Variants in PCDHGA12 observed in about 807,000 individuals in gnomAD.
The protein encoded by PCDHGA12 is protocadherin gamma subfamily A, 12.
A neutral mutation model predicts 61.1 loss-of-function variants in PCDHGA12; 43 were observed. The ratio of observed to expected loss-of-function variants is 0.70; its 90% CI spans 0.55 to 0.91. The LOEUF (loss-of-function observed/expected upper bound fraction) is 0.91, where lower values mean the gene tolerates loss of function less well. PCDHGA12 is among the 40% of genes least tolerant of loss of function. PCDHGA12 has a pLI of 0.00. For missense variants in PCDHGA12, 1,236 were observed against 1,227.7 expected (o/e 1.01, Z -0.10); for synonymous variants, 520 against 542.9 (o/e 0.96, Z 0.59).
Position 141,431,883 on chromosome 5 carries a change from A to T in PCDHGA12, c.1124A>T (p.Asp375Val), listed in dbSNP as rs748968989. 6.8e-6 allele frequency: 11 copies of T among 1,614,118 alleles called. No individual in the cohort carries two copies. The highest frequency in any genetic ancestry group is 1.1e-5 in the South Asian group (1 of 91,084). The change falls in exon 1 of 4, where the codon GAT (aspartate) becomes GTT (valine). Residue 375 changes from aspartate (D) to valine (V), a missense_variant. Transcript: ENST00000252085. The surrounding 1 kb of genome is among the most constrained non-coding windows in gnomAD (Gnocchi z 4.8). ...LIALLNVNDQ[D>V]SEENGQVICF... ...GCCCTTTTAAATGTAAATGACCAAG[A>T]TTCTGAGGAAAACGGACAGGTGATC...
At chr5:141,460,438 T>A (rs1035541143) in intron 1 of PCDHGA12, among the ~76,000 whole-genome samples, 16 of 152,172 alleles carry the variant, frequency 1.1e-4, no homozygotes, top group African/African-American at 3.1e-4. Flanking sequence ...TGGTGTGAGG[T>A]AACAATGAAG....
Position 141,485,046 on chromosome 5 carries a change from G to A in PCDHGA12, c.2425-9761G>A. On this transcript the variant is annotated intron_variant, in intron 1 of 3. Transcript: ENST00000252085. This position sits in a 1 kb window ranked among gnomAD's most constrained non-coding sequence, Gnocchi z 5.7. ...AAAAACGGCGCGTAACCCTTGCGGCGCCGGCCGAACCGCGCCAGAGCTGGC... is the reference window on the plus strand; with the variant it reads ...AAAAACGGCGCGTAACCCTTGCGGCACCGGCCGAACCGCGCCAGAGCTGGC... 2 of 750,304 alleles carry A rather than the reference G, an allele frequency of 2.7e-6. No individual in the cohort carries two copies. The highest frequency in any genetic ancestry group is 4.5e-6 in the Non-Finnish European group (2 of 443,046). The allele number at this position is 750,304 out of a possible 1,614,324, so 46.5% of individuals were successfully genotyped here. A position where few individuals can be genotyped will look rare whatever the true frequency, so the allele number is the denominator to read the frequency against.
chr5:141,489,314 G>T lies in PCDHGA12; in HGVS notation c.2425-5493G>T. ...TGCATGTTGTCCTTGTGCTGCTGGG[G>T]CTGGGTGTCTGGGCAGCTTCGTTAC... On this transcript the variant is annotated intron_variant, in intron 1 of 3. Transcript: ENST00000252085. This position sits in a 1 kb window ranked among gnomAD's most constrained non-coding sequence, Gnocchi z 4.5. 6.3e-7 allele frequency: 1 copy of T among 1,596,908 alleles called. No individual in the cohort carries two copies. The highest frequency in any genetic ancestry group is 8.5e-7 in the Non-Finnish European group (1 of 1,170,694).
rs138070043 is a variant in PCDHGA12, at chr5:141,512,950, AAAT to A, written c.*1783_*1785del. 5,271 of 152,332 alleles carry A rather than the reference AAAT, an allele frequency of 0.035. 119 individuals carry two copies. The highest frequency in any genetic ancestry group is 0.075 in the South Asian group (360 of 4,826). The allele number at this position is 152,332 out of a possible 1,614,324, so 9.4% of individuals were successfully genotyped here. On this transcript the variant is annotated 3_prime_UTR_variant, in exon 4 of 4. Coordinates refer to ENST00000252085, the MANE Select transcript of PCDHGA12 (RefSeq NM_003735.3). ...ATATGGCTTTTTTTCTTCGACAAAA[AAAT>A]AATAAAACGTTTCTTCTGAAAAGCT...
At position 141,486,114 on chromosome 5, in the gene PCDHGA12, A is replaced by G; in HGVS notation, c.2425-8693A>G. On this transcript the variant is annotated intron_variant, in intron 1 of 3. Coordinates refer to ENST00000252085, the MANE Select transcript of PCDHGA12 (RefSeq NM_003735.3). This position sits in a 1 kb window ranked among gnomAD's most constrained non-coding sequence, Gnocchi z 5.0. ...GGGCCCCTAGACTTTGAGAGTGAGAATTACTATGAATTTGATGTGCGGGCT... is the reference window on the plus strand; with the variant it reads ...GGGCCCCTAGACTTTGAGAGTGAGAGTTACTATGAATTTGATGTGCGGGCT... 3 of 1,614,082 alleles carry G rather than the reference A, an allele frequency of 1.9e-6. No individual in the cohort carries two copies. Among genetic ancestry groups the G allele is most frequent in the South Asian group, 2.2e-5 (2 of 91,072 alleles).
intron 1 of PCDHGA12, among the ~76,000 whole-genome samples, chr5:141,473,404 T>A (rs953797915): frequency 6.6e-6 from 1 of 152,226 alleles, no homozygotes; most frequent in Non-Finnish European, 1.5e-5. Flanking sequence ...TCTTTTTTTC[T>A]TCTTCAGTGG....
chr5:141,430,857 A>G lies in PCDHGA12; in HGVS notation c.98A>G (p.Tyr33Cys). Reference protein sequence around the residue: ...LWETGCTQIRYSVPEELEKGS... With the variant: ...LWETGCTQIRCSVPEELEKGS... ...GAGACCGGATGCACCCAGATACGCT[A>G]TTCAGTTCCGGAAGAGCTGGAGAAA... The change falls in exon 1 of 4, where the codon TAT becomes TGT. Residue 33 changes from tyrosine (Y) to cysteine (C), a missense_variant. Physicochemically the swap from Tyr to Cys is radical, Grantham distance 194. Transcript: ENST00000252085. 2 of 1,591,432 alleles carry G rather than the reference A, an allele frequency of 1.3e-6. No homozygotes were observed. The highest frequency in any genetic ancestry group is 1.7e-6 in the Non-Finnish European group (2 of 1,170,356).
rs1377364370 is a variant in PCDHGA12, at chr5:141,477,489, C to T, written c.2425-17318C>T. 1 of 1,614,048 alleles carries T rather than the reference C, an allele frequency of 6.2e-7. No homozygotes were observed. Among genetic ancestry groups the T allele is most frequent in the Non-Finnish European group, 8.5e-7 (1 of 1,180,044 alleles). On this transcript the variant is annotated intron_variant, in intron 1 of 3. Coordinates refer to ENST00000252085, the MANE Select transcript of PCDHGA12 (RefSeq NM_003735.3). This position sits in a 1 kb window ranked among gnomAD's most constrained non-coding sequence, Gnocchi z 4.9. ...ATCAATGACAACCCTCCACAATCTT[C>T]TCAATCTTCCTACGACGTTTACATT...
chr5:141,462,617 T>C (rs1413543706), intron 1 of PCDHGA12, among the ~76,000 whole-genome samples: 1 of 151,850 alleles, frequency 6.6e-6, no homozygotes, highest in East Asian at 1.9e-4. Context: ...TTTTCACTTT[T>C]AGAAGTTCCA....
At chr5:141,480,653 T>C (rs1214823403) in intron 1 of PCDHGA12, among the ~76,000 whole-genome samples, 2 of 152,190 alleles carry the variant, frequency 1.3e-5, no homozygotes, top group Admixed American at 1.3e-4. Context: ...TGGTTGCACA[T>C]TAAAATCACC....
rs142703691 is a variant in PCDHGA12 at position 141,489,691 on chromosome 5, C to T, written c.2425-5116C>T. On this transcript the variant is annotated intron_variant, in intron 1 of 3. Transcript: ENST00000252085. The surrounding 1 kb of genome is among the most constrained non-coding windows in gnomAD (Gnocchi z 4.5). ...CTCAGAATCAGCAGCATCTGGGGCACGATTCCCACTGGACAGTGCCCAGGA... is the reference window on the plus strand; with the variant it reads ...CTCAGAATCAGCAGCATCTGGGGCATGATTCCCACTGGACAGTGCCCAGGA... 8.1e-6 allele frequency: 13 copies of T among 1,614,164 alleles called. No individual in the cohort carries two copies. The highest frequency in any genetic ancestry group is 3.3e-5 in the South Asian group (3 of 91,080).
At chr5:141,445,490 C>A (rs1181158971) in intron 1 of PCDHGA12, among the ~76,000 whole-genome samples, 1 of 152,134 alleles carries the variant, frequency 6.6e-6, no homozygotes, top group African/African-American at 2.4e-5. Flanking sequence ...AGTTAATGGG[C>A]CCTATTCTAA....
intron 1 of PCDHGA12, among the ~76,000 whole-genome samples, chr5:141,471,999 T>C (rs577046645): frequency 3.9e-5 from 6 of 152,230 alleles, no homozygotes; most frequent in Admixed American, 2.0e-4. Flanking sequence ...AATCCCTGCA[T>C]CGTATAGGGG....
chr5:141,472,564 A>G (rs1471933375), intron 1 of PCDHGA12, among the ~76,000 whole-genome samples: 6 of 152,050 alleles, frequency 3.9e-5, no homozygotes, highest in Admixed American at 2.6e-4. Context: ...TATATTATAA[A>G]TGCTGCATCT....
rs780685517 is a variant in PCDHGA12 at position 141,489,548 on chromosome 5, T to C, written c.2425-5259T>C. 6.2e-7 allele frequency: 1 copy of C among 1,614,136 alleles called. No individual in the cohort carries two copies. Among genetic ancestry groups the C allele is most frequent in the South Asian group, 1.1e-5 (1 of 91,086 alleles). On this transcript the variant is annotated intron_variant, in intron 1 of 3. Coordinates refer to ENST00000252085, the MANE Select transcript of PCDHGA12 (RefSeq NM_003735.3). This position sits in a 1 kb window ranked among gnomAD's most constrained non-coding sequence, Gnocchi z 4.5. ...CTATGTGGAGCCAGCACCAGCTGCCTGCTGCCAGTGCAGGTGGTGACTGAA... is the reference window on the plus strand; with the variant it reads ...CTATGTGGAGCCAGCACCAGCTGCCCGCTGCCAGTGCAGGTGGTGACTGAA...
chr5:141,489,229 G>A lies in PCDHGA12; in HGVS notation c.2425-5578G>A, dbSNP rs1188849525. 5.9e-6 allele frequency: 9 copies of A among 1,522,134 alleles called. No homozygotes were observed. In the Admixed American group the frequency reaches 6.4e-5, roughly 11 times the overall value. 94.3% of individuals were successfully genotyped at this position (1,522,134 alleles called of 1,614,324 possible). On this transcript the variant is annotated intron_variant, in intron 1 of 3. Transcript: ENST00000252085. The surrounding 1 kb of genome is among the most constrained non-coding windows in gnomAD (Gnocchi z 4.5). The stretch of plus-strand genomic sequence containing the variant: ...AGCACAGACTTACTCTCCACAAAGG[G>A]ACTTCTGGGTCATGGGGCCCAAGAC...
At position 141,511,108 on chromosome 5, in the gene PCDHGA12, G is replaced by A; in HGVS notation, c.2734G>A (p.Asp912Asn). The A allele has an allele frequency of 6.2e-7, 1 of 1,614,244 alleles. No homozygotes were observed. The highest frequency in any genetic ancestry group is 2.2e-5 in the East Asian group (1 of 44,882). Residue 912 changes from aspartate (D) to asparagine (N), a missense_variant, in exon 4 of 4, where the codon GAT (aspartate) becomes AAT (asparagine). Physicochemically the swap from Asp to Asn is conservative, Grantham distance 23. Coordinates refer to ENST00000252085, the MANE Select transcript of PCDHGA12 (RefSeq NM_003735.3). ...ATLTNAAGKR[D>N]GKAPAGGNGN... Reference sequence around the variant, plus strand: ...ACTGACCAACGCAGCTGGCAAGCGGGATGGCAAGGCCCCAGCAGGTGGCAA... The same window carrying A: ...ACTGACCAACGCAGCTGGCAAGCGGAATGGCAAGGCCCCAGCAGGTGGCAA...
chr5:141,472,556 T>A (rs2099287889), intron 1 of PCDHGA12, among the ~76,000 whole-genome samples: 1 of 151,628 alleles, frequency 6.6e-6, no homozygotes, highest in South Asian at 2.1e-4. Flanking sequence ...AAAAAAATTA[T>A]ATTATAAATG....
rs750233767 is a variant in PCDHGA12 at position 141,490,877 on chromosome 5, C to A, written c.2425-3930C>A. 1 of 1,613,880 alleles carries A rather than the reference C, an allele frequency of 6.2e-7. No individual in the cohort carries two copies. Among genetic ancestry groups the A allele is most frequent in the Non-Finnish European group, 8.5e-7 (1 of 1,179,900 alleles). On this transcript the variant is annotated intron_variant, in intron 1 of 3. Coordinates refer to ENST00000252085, the MANE Select transcript of PCDHGA12 (RefSeq NM_003735.3). This position sits in a 1 kb window ranked among gnomAD's most constrained non-coding sequence, Gnocchi z 5.4. Reference sequence around the variant, plus strand: ...GACTCCGGCTCTCCCCCATTGCATGCCAACACATCTCTGCATGTGTTTGTC... The same window carrying A: ...GACTCCGGCTCTCCCCCATTGCATGACAACACATCTCTGCATGTGTTTGTC...
Sources: allele counts gnomAD v4.1 joint callset (sites outside exome capture counted in the v4.1 genomes callset), GRCh38; gene constraint gnomAD v4.1.1; non-coding constraint Gnocchi (gnomAD v3.1); transcripts MANE v1.5; gene names NCBI Gene and HGNC (gene_info 2026-07-23, HGNC 2026-07-21).